Variants in ABAT observed in about 807,000 individuals in gnomAD.
ABAT encodes the protein 4-aminobutyrate aminotransferase.
A neutral mutation model predicts 64.6 loss-of-function variants in ABAT; 45 were observed. That is an observed-to-expected ratio of 0.70 (90% CI 0.55 to 0.89). The LOEUF is 0.89. Ranked by LOEUF, ABAT falls within the 40% of genes least tolerant of loss-of-function variation. The pLI, the probability that ABAT is intolerant of heterozygous loss-of-function variation, is 0.00. For synonymous variants in ABAT, 297 were observed against 250.5 expected (o/e 1.19, Z -1.75); for missense variants, 633 against 658.4 (o/e 0.96, Z 0.42).
At chr16:8,719,526 T>C (rs1019015477) in intron 1 of ABAT, among the ~76,000 whole-genome samples, 8 of 152,178 alleles carry the variant, frequency 5.3e-5, no homozygotes, top group Non-Finnish European at 1.0e-4. Context: ...CCTGGATTCC[T>C]GATTGAGGTG....
At chr16:8,695,472 C>G (rs1179495479) in intron 1 of ABAT, among the ~76,000 whole-genome samples, 1 of 152,212 alleles carries the variant, frequency 6.6e-6, no homozygotes, top group Non-Finnish European at 1.5e-5. Context: ...CCAGACAGAC[C>G]TGGTTCAAAT....
rs1555485684 is a variant in ABAT at position 8,710,727 on chromosome 16, A to AGAGGGAGAGAGAGAGAGGGAGAGGGAGG, written c.-41-24968_-41-24967insGAGAGAGAGAGAGGGAGAGGGAGGGAGG. On this transcript the variant is annotated intron_variant, in intron 1 of 15. Transcript: ENST00000268251. ...GAGAGAGAGAGAGAGAGAGAGAGAG[A>AGAGGGAGAGAGAGAGAGGGAGAGGGAGG]GAGGAAATAGGCTCAGGAGCAAGCA... is the stretch of plus-strand genomic sequence containing the variant. Among the ~76,000 whole-genome samples the AGAGGGAGAGAGAGAGAGGGAGAGGGAGG allele has an allele frequency of 2.0e-4, 21 of 103,684 alleles. 1 individual carries two copies. Among genetic ancestry groups the AGAGGGAGAGAGAGAGAGGGAGAGGGAGG allele is most frequent in the Non-Finnish European group, 3.5e-4 (17 of 48,498 alleles). 68.0% of individuals were successfully genotyped at this position (103,684 alleles called of 152,430 possible). A position where few individuals can be genotyped will look rare whatever the true frequency, so the allele number is the denominator to read the frequency against.
chr16:8,688,214 C>T (rs955576925), intron 1 of ABAT, among the ~76,000 whole-genome samples: 1 of 152,104 alleles, frequency 6.6e-6, no homozygotes, highest in Non-Finnish European at 1.5e-5. Context: ...TTCCTACCTA[C>T]AAGACACTGG....
At chr16:8,769,387 T>C (rs1380263755) in intron 11 of ABAT, among the ~76,000 whole-genome samples, 2 of 151,688 alleles carry the variant, frequency 1.3e-5, no homozygotes, top group Admixed American at 1.3e-4. Context: ...GCCAACATGG[T>C]GAAACCCCAT....
In ABAT at chr16:8,772,906, A is replaced by T. The variant is rs1488878044; in HGVS notation, c.943A>T (p.Ile315Phe). 3 of 1,613,830 alleles carry T rather than the reference A, an allele frequency of 1.9e-6. No individual in the cohort carries two copies. Among genetic ancestry groups the T allele is most frequent in the Non-Finnish European group, 2.5e-6 (3 of 1,180,006 alleles). ...SDDFFRKLRD[I>F]ARKHGCAFLV... is the part of the protein sequence containing the mutation. ...TGACTTCTTTCGGAAGCTGAGAGAC[A>T]TCGCCAGGAAGGTCAGTGGACAGGG... The change falls in exon 12 of 16, where the codon ATC becomes TTC. Residue 315 changes from isoleucine (I) to phenylalanine (F), a missense_variant. Transcript: ENST00000268251.
chr16:8,693,380 A>G (rs1325824109), intron 1 of ABAT, among the ~76,000 whole-genome samples: 1 of 150,854 alleles, frequency 6.6e-6, no homozygotes, highest in Non-Finnish European at 1.5e-5. Context: ...AAATTCCAGT[A>G]TATTTATTGA....
intron 1 of ABAT, among the ~76,000 whole-genome samples, chr16:8,682,672 G>C (rs1412477239): frequency 1.3e-5 from 2 of 152,152 alleles, no homozygotes; most frequent in African/African-American, 4.8e-5. Flanking sequence ...CTCCCATTTA[G>C]GTGCTAACAT....
intron 1 of ABAT, among the ~76,000 whole-genome samples, chr16:8,732,970 CG>C (rs1463043465): frequency 1.4e-5 from 2 of 147,116 alleles, no homozygotes; most frequent in East Asian, 2.0e-4. Context: ...GCTGGCCGGG[CG>C]GGGGGCTGAT....
At chr16:8,718,801 A>G (rs1386953000) in intron 1 of ABAT, among the ~76,000 whole-genome samples, 1 of 152,224 alleles carries the variant, frequency 6.6e-6, no homozygotes, top group Admixed American at 6.5e-5. Flanking sequence ...AAATCAGAGC[A>G]GATACCTGCA....
intron 11 of ABAT, among the ~76,000 whole-genome samples, chr16:8,769,455 A>G (rs1420505119): frequency 6.7e-6 from 1 of 148,988 alleles, no homozygotes; most frequent in East Asian, 2.0e-4. Flanking sequence ...GCTACTAGGG[A>G]GGCTGAGGCA....
intron 1 of ABAT, among the ~76,000 whole-genome samples, chr16:8,734,927 G>T: frequency 6.6e-6 from 1 of 152,016 alleles, no homozygotes; most frequent in East Asian, 1.9e-4. Flanking sequence ...GGCAATCAGG[G>T]CTGGACACAG....
intron 1 of ABAT, among the ~76,000 whole-genome samples, chr16:8,701,905 G>A (rs567838211): frequency 9.2e-5 from 14 of 151,736 alleles, no homozygotes; most frequent in African/African-American, 3.1e-4. Flanking sequence ...CCACGAGGGG[G>A]CCAGTGTGGC....
chr16:8,710,727 A>AGAGGGAGAGAGGGAGAGGGAGG (rs1555485684), intron 1 of ABAT, among the ~76,000 whole-genome samples: 1 of 103,700 alleles, frequency 9.6e-6, no homozygotes, highest in Non-Finnish European at 2.1e-5. Context: ...AGAGAGAGAG[A>AGAGGGAGAGAGGGAGAGGGAGG]GAGGAAATAG....
intron 12 of ABAT, among the ~76,000 whole-genome samples, 188 bp downstream of exon 12, chr16:8,773,105 T>TACACACATACACAC (rs2060162315): frequency 9.2e-6 from 1 of 108,966 alleles, no homozygotes; most frequent in Non-Finnish European, 1.8e-5. Flanking sequence ...CCTAAAACTA[T>TACACACATACACAC]ACACACACAC....
chr16:8,755,801 G>A (rs2059632929), intron 5 of ABAT, among the ~76,000 whole-genome samples: 1 of 152,120 alleles, frequency 6.6e-6, no homozygotes, highest in African/African-American at 2.4e-5. Flanking sequence ...TGTAATCCCA[G>A]CACTTTGGGA....
At chr16:8,699,980 TG>T (rs1287863991) in intron 1 of ABAT, among the ~76,000 whole-genome samples, 11 of 147,058 alleles carry the variant, frequency 7.5e-5, no homozygotes, top group African/African-American at 2.7e-4. Context: ...GGCTAATTTT[TG>T]TATTTTTTTT....
At position 8,750,422 on chromosome 16, in the gene ABAT, A is replaced by T; in HGVS notation, c.199A>T (p.Asn67Tyr). 1 of 1,613,956 alleles carries T rather than the reference A, an allele frequency of 6.2e-7. No individual in the cohort carries two copies. The highest frequency in any genetic ancestry group is 2.2e-5 in the East Asian group (1 of 44,876). Residue 67 changes from asparagine (N) to tyrosine (Y), a missense_variant and splice_region_variant, in exon 5 of 16, where the codon AAT becomes TAT. By Grantham distance (143) the Asn-to-Tyr change is moderately radical. Transcript: ENST00000268251. ...ELMKQLNIIQNAEAVHFFCNY... is the reference protein window; with the variant it reads ...ELMKQLNIIQYAEAVHFFCNY... ...TGAGTTGGTCTTTTCTTTCTCCAAG[A>T]ATGCAGAGGCTGTGCATTTTTTCTG... is the stretch of plus-strand genomic sequence containing the variant.
rs528040538 is a variant in ABAT at position 8,713,609 on chromosome 16, C to T, written c.-41-22090C>T. On this transcript the variant is annotated intron_variant, in intron 1 of 15. Coordinates refer to ENST00000268251, the MANE Select transcript of ABAT (RefSeq NM_020686.6). The stretch of plus-strand genomic sequence containing the variant: ...CCGTCCCTCTCCCTTGCGCACTTGC[C>T]GGGTACCAGCTGAGTGCATCCTTTT... 112 of 304,014 alleles carry T rather than the reference C, an allele frequency of 3.7e-4. 2 individuals are homozygous for T. The highest frequency in any genetic ancestry group is 2.8e-3 in the South Asian group (108 of 38,136). 18.8% of individuals were successfully genotyped at this position (304,014 alleles called of 1,614,324 possible).
rs748719662 is a variant in ABAT at position 8,757,755 on chromosome 16, A to G, written c.317-2A>G. 6 of 1,614,070 alleles carry G rather than the reference A, an allele frequency of 3.7e-6. No homozygotes were observed. Among genetic ancestry groups the G allele is most frequent in the Non-Finnish European group, 4.2e-6 (5 of 1,179,922 alleles). On this transcript the variant is annotated splice_acceptor_variant, in intron 5 of 15. Coordinates refer to ENST00000268251, the MANE Select transcript of ABAT (RefSeq NM_020686.6). LOFTEE classifies it high-confidence loss of function. ...TCTCTAACAATACTCTCCTGCCCTCAGGTTACAGCCACCCCGCCCTGCTGA... is the reference window on the plus strand; with the variant it reads ...TCTCTAACAATACTCTCCTGCCCTCGGGTTACAGCCACCCCGCCCTGCTGA...
Sources: allele counts gnomAD v4.1 joint callset (sites outside exome capture counted in the v4.1 genomes callset), GRCh38; gene constraint gnomAD v4.1.1; transcripts MANE v1.5; gene names NCBI Gene and HGNC (gene_info 2026-07-23, HGNC 2026-07-21).